Variants in SOX5 observed in about 807,000 individuals in gnomAD.
SOX5 encodes the protein transcription factor SOX-5.
SOX5 carries 9 observed loss-of-function variants against 92.0 expected under a neutral mutation model. That is an observed-to-expected ratio of 0.10 (90% confidence interval 0.06 to 0.17). The LOEUF is 0.17. Among genes scored for constraint, SOX5 ranks in the 10% least tolerant of loss-of-function variants. The probability of loss-of-function intolerance (pLI) is 1.00; values close to 1 mark genes in which losing one functional copy is unlikely to be tolerated. For synonymous variants in SOX5, 344 were observed against 336.3 expected (o/e 1.02, Z -0.25); for missense variants, 642 against 944.5 (o/e 0.68, Z 4.20).
intron 4 of SOX5, among the ~76,000 whole-genome samples, chr12:23,986,470 G>A (rs558057066): frequency 7.9e-5 from 12 of 152,234 alleles, no homozygotes; most frequent in Non-Finnish European, 1.5e-4. Flanking sequence ...ATCAAGTTAA[G>A]GTGATAATGT....
In SOX5 at chr12:24,343,485, T is replaced by C. The variant is rs914593601; in HGVS notation, c.-174+25078A>G. Among the ~76,000 whole-genome samples, 4 of 151,074 alleles carry C rather than the reference T, an allele frequency of 2.6e-5. No individual in the cohort carries two copies. In the Admixed American group the frequency reaches 2.6e-4, roughly 10 times the overall value. On this transcript the variant is annotated intron_variant, in intron 2 of 4. Transcript: ENST00000446891. ...ATATTATATATATATGAGACAGACA[T>C]AGATTAATATGGACATAAATATAAA... is the stretch of plus-strand genomic sequence containing the variant.
intron 1 of SOX5, among the ~76,000 whole-genome samples, chr12:24,541,381 A>G (rs999886050): frequency 1.3e-5 from 2 of 152,242 alleles, no homozygotes; most frequent in African/African-American, 4.8e-5. Flanking sequence ...TGTCCATGAC[A>G]TTGCATCATC....
At chr12:24,231,106 C>A (rs571407907) in intron 3 of SOX5, among the ~76,000 whole-genome samples, 1 of 152,304 alleles carries the variant, frequency 6.6e-6, no homozygotes, top group East Asian at 1.9e-4. Context: ...AAAGCCAGCT[C>A]TGACCTTTGT....
intron 3 of SOX5, among the ~76,000 whole-genome samples, chr12:24,241,724 A>T (rs533935276): frequency 6.6e-6 from 1 of 152,290 alleles, no homozygotes; most frequent in South Asian, 2.1e-4. Flanking sequence ...TATAGTTAAG[A>T]TCCCCAGCAT....
chr12:24,004,502 T>A (rs115653254), intron 4 of SOX5, among the ~76,000 whole-genome samples: 29 of 152,170 alleles, frequency 1.9e-4, no homozygotes, highest in African/African-American at 6.7e-4. Flanking sequence ...AATAGCTATA[T>A]ACATATAAAA....
intron 1 of SOX5, among the ~76,000 whole-genome samples, chr12:24,484,638 C>A (rs1946333326): frequency 6.6e-6 from 1 of 152,130 alleles, no homozygotes. Flanking sequence ...CTTAAAGAAA[C>A]TGAATTACAT....
At chr12:23,785,401 A>G (rs925566729) in intron 3 of SOX5, among the ~76,000 whole-genome samples, 6 of 152,216 alleles carry the variant, frequency 3.9e-5, no homozygotes, top group African/African-American at 1.4e-4. Context: ...TAAACCAAAC[A>G]TTGATTTATT....
intron 1 of SOX5, among the ~76,000 whole-genome samples, chr12:24,525,149 G>A (rs1950590560): frequency 6.6e-6 from 1 of 152,116 alleles, no homozygotes; most frequent in South Asian, 2.1e-4. Flanking sequence ...CAACCTAAAT[G>A]ACCATTGACA....
chr12:24,236,936 T>A (rs1051705186), intron 3 of SOX5, among the ~76,000 whole-genome samples: 1 of 151,980 alleles, frequency 6.6e-6, no homozygotes, highest in African/African-American at 2.4e-5. Context: ...AGATCTGGAT[T>A]ACTCAGTGAA....
chr12:24,271,641 T>C (rs908088723), intron 3 of SOX5, among the ~76,000 whole-genome samples: 2 of 152,236 alleles, frequency 1.3e-5, no homozygotes, highest in African/African-American at 4.8e-5. Flanking sequence ...CCAACTAAAA[T>C]TGATTTTTCT....
chr12:24,020,109 T>C (rs986991218), intron 4 of SOX5, among the ~76,000 whole-genome samples: 21 of 152,274 alleles, frequency 1.4e-4, no homozygotes, highest in Non-Finnish European at 3.1e-4. Context: ...GATTTACTCC[T>C]ACAAAATTTT....
At chr12:24,320,391 C>T (rs1006981692) in intron 2 of SOX5, among the ~76,000 whole-genome samples, 32 of 152,202 alleles carry the variant, frequency 2.1e-4, no homozygotes, top group Admixed American at 1.3e-3. Context: ...CATTTTGTAA[C>T]GATGTCACAC....
In SOX5 at chr12:23,704,717, C is replaced by CAT. The variant is rs2091157433; in HGVS notation, c.810+29966_810+29967insAT. On this transcript the variant is annotated intron_variant, in intron 6 of 14. Coordinates refer to ENST00000451604, the MANE Select transcript of SOX5 (RefSeq NM_006940.6). The stretch of plus-strand genomic sequence containing the variant: ...ATATATATATATATATATATATATA[C>CAT]ACACACACACACACATACACACATA... Among the ~76,000 whole-genome samples the CAT allele has an allele frequency of 6.7e-5, 3 of 44,536 alleles. No individual in the cohort carries two copies. In the South Asian group the frequency reaches 3.3e-3, roughly 48 times the overall value. The allele number at this position is 44,536 out of a possible 152,430, so 29.2% of individuals were successfully genotyped here.
chr12:23,959,284 C>T (rs940211362), intron 4 of SOX5, among the ~76,000 whole-genome samples: 2 of 151,518 alleles, frequency 1.3e-5, no homozygotes, highest in African/African-American at 4.8e-5. Flanking sequence ...ATGAAGAAAA[C>T]AATGTAGTAT....
At chr12:23,959,658 T>C (rs570272699) in intron 4 of SOX5, among the ~76,000 whole-genome samples, 1 of 152,246 alleles carries the variant, frequency 6.6e-6, no homozygotes, top group Non-Finnish European at 1.5e-5. Context: ...ACCCCCTCCA[T>C]GATCTATAAA....
chr12:24,070,571 T>G (rs558914438), intron 4 of SOX5, among the ~76,000 whole-genome samples: 3 of 152,084 alleles, frequency 2.0e-5, no homozygotes, highest in East Asian at 1.9e-4. Context: ...TTTTTCATCT[T>G]TATTTATTGT....
chr12:24,196,504 CT>C (rs1334472685), intron 4 of SOX5, among the ~76,000 whole-genome samples: 2 of 152,092 alleles, frequency 1.3e-5, no homozygotes, highest in Non-Finnish European at 2.9e-5. Flanking sequence ...ATAAAGTTAA[CT>C]TTTTTAAGGG....
chr12:24,370,953 C>T (rs1387399644), intron 1 of SOX5, among the ~76,000 whole-genome samples: 1 of 152,070 alleles, frequency 6.6e-6, no homozygotes, highest in African/African-American at 2.4e-5. Context: ...AAGAACACCC[C>T]AAAGATCCTA....
intron 4 of SOX5, among the ~76,000 whole-genome samples, chr12:24,155,708 C>G (rs1311272149): frequency 6.6e-6 from 1 of 152,148 alleles, no homozygotes; most frequent in Non-Finnish European, 1.5e-5. Context: ...TGAATGAGTT[C>G]AAACCCATCT....
Sources: allele counts gnomAD v4.1 joint callset (sites outside exome capture counted in the v4.1 genomes callset), GRCh38; gene constraint gnomAD v4.1.1; transcripts MANE v1.5; gene names NCBI Gene and HGNC (gene_info 2026-07-23, HGNC 2026-07-21).